The following LRMDA variants were observed in gnomAD, a reference collection of about 807,000 sequenced individuals.
LRMDA encodes the protein leucine rich melanocyte differentiation associated.
LRMDA carries 18 observed loss-of-function variants against 29.8 expected under a neutral mutation model. That is an observed-to-expected ratio of 0.60 (90% CI 0.42 to 0.90). LRMDA has a LOEUF of 0.90. LRMDA is among the 40% of genes least tolerant of loss of function. The pLI is 0.00. For synonymous variants in LRMDA, 125 were observed against 109.4 expected, an observed-to-expected ratio of 1.14 and a Z score of -0.89; for missense variants, 273 against 273.9, an observed-to-expected ratio of 1.00 and a Z score of 0.02.
At chr10:76,066,100 A>T (rs1848781034) in intron 5 of LRMDA, among the ~76,000 whole-genome samples, 1 of 151,928 alleles carries the variant, frequency 6.6e-6, no homozygotes, top group Admixed American at 6.6e-5. Context: ...CACACACCCT[A>T]CCTCTGCTGC....
intron 6 of LRMDA, among the ~76,000 whole-genome samples, chr10:76,337,598 G>A (rs1222748751): frequency 3.9e-5 from 6 of 152,176 alleles, no homozygotes; most frequent in Non-Finnish European, 7.3e-5. Context: ...TAGTAATCTA[G>A]GGGGAGAGTG....
At chr10:76,299,695 GC>G (rs1274939570) in intron 5 of LRMDA, among the ~76,000 whole-genome samples, 1 of 151,538 alleles carries the variant, frequency 6.6e-6, no homozygotes, top group Non-Finnish European at 1.5e-5. Flanking sequence ...CTGCCTGGGG[GC>G]CAAAACTTGC....
At chr10:76,015,016 T>C (rs549084243) in intron 2 of LRMDA, among the ~76,000 whole-genome samples, 4 of 152,246 alleles carry the variant, frequency 2.6e-5, no homozygotes, top group Non-Finnish European at 4.4e-5. Flanking sequence ...GCAACTGCCA[T>C]TCAAAATCTG....
chr10:76,476,260 T>G (rs969924404), intron 6 of LRMDA, among the ~76,000 whole-genome samples: 5 of 152,268 alleles, frequency 3.3e-5, no homozygotes, highest in Admixed American at 2.0e-4. Context: ...TATCAGAGAA[T>G]ACTATAAACA....
chr10:75,990,688 G>A (rs1444597176), intron 2 of LRMDA, among the ~76,000 whole-genome samples: 1 of 152,156 alleles, frequency 6.6e-6, no homozygotes, highest in Admixed American at 6.5e-5. Context: ...TAAAAAATAA[G>A]TACTTTGGGT....
At chr10:76,065,306 T>C (rs1318287238) in intron 5 of LRMDA, among the ~76,000 whole-genome samples, 1 of 152,210 alleles carries the variant, frequency 6.6e-6, no homozygotes, top group Non-Finnish European at 1.5e-5. Flanking sequence ...AATAGAGCAC[T>C]GCAGGAAAGC....
rs149295222 is a variant in LRMDA, at chr10:75,615,210, A to G, written c.131+176716A>G. On this transcript the variant is annotated intron_variant, in intron 2 of 6. Coordinates refer to ENST00000611255, the MANE Select transcript of LRMDA (RefSeq NM_001305581.2). ...ATTATGTGTGATATCTGACTGCTCA[A>G]GATACTAATGTCTTTAAAAATACCC... 5.1e-3 allele frequency among the ~76,000 whole-genome samples: 781 copies of G among 152,352 alleles called. 8 individuals carry two copies. Among genetic ancestry groups the G allele is most frequent in the African/African-American group, 0.018 (748 of 41,582 alleles).
chr10:75,723,548 C>T (rs1361289969), intron 2 of LRMDA, among the ~76,000 whole-genome samples: 1 of 152,166 alleles, frequency 6.6e-6, no homozygotes, highest in East Asian at 1.9e-4. Flanking sequence ...CACTGTCTTG[C>T]AGTTGTGTGT....
At chr10:75,999,890 G>A (rs1477283849) in intron 2 of LRMDA, among the ~76,000 whole-genome samples, 4 of 152,156 alleles carry the variant, frequency 2.6e-5, no homozygotes. Context: ...TTCTTTGTCT[G>A]ATTATACATG....
intron 5 of LRMDA, among the ~76,000 whole-genome samples, chr10:76,136,259 A>G (rs16932886): frequency 0.012 from 1,860 of 152,290 alleles, 37 homozygotes; most frequent in African/African-American, 0.043. Flanking sequence ...TATGAAGCTC[A>G]GAGTGTGGCC....
At chr10:76,148,846 C>A (rs1311863210) in intron 5 of LRMDA, among the ~76,000 whole-genome samples, 1 of 151,990 alleles carries the variant, frequency 6.6e-6, no homozygotes, top group African/African-American at 2.4e-5. Context: ...CCGTTATTAT[C>A]TTTACTGTTG....
rs1000350503 is a variant in LRMDA at position 76,400,104 on chromosome 10, A to G, written c.601+75619A>G. On this transcript the variant is annotated intron_variant, in intron 6 of 6. Transcript: ENST00000611255. ...AGGATTGTGACTTCTGCCTTAGTAG[A>G]AAACTTTTTTCCTGCTGATCTTGAT... is the stretch of plus-strand genomic sequence containing the variant. Among the ~76,000 whole-genome samples, 3 of 152,236 alleles carry G rather than the reference A, an allele frequency of 2.0e-5. No individual in the cohort carries two copies. The South Asian group carries it at 6.2e-4, about 32-fold the overall frequency.
chr10:75,724,149 A>G lies in LRMDA; in HGVS notation c.131+285655A>G, dbSNP rs138505249. ...ATGACAGGTAGACTCATGACATTATATGGTAATTCAGCATGAAAGAATAAT... is the reference window on the plus strand; with the variant it reads ...ATGACAGGTAGACTCATGACATTATGTGGTAATTCAGCATGAAAGAATAAT... On this transcript the variant is annotated intron_variant, in intron 2 of 6. Transcript: ENST00000611255. Among the ~76,000 whole-genome samples, 552 of 152,324 alleles carry G rather than the reference A, an allele frequency of 3.6e-3. 4 individuals carry two copies. Among genetic ancestry groups the G allele is most frequent in the African/African-American group, 0.012 (508 of 41,570 alleles).
chr10:76,014,444 G>C (rs997571404), intron 2 of LRMDA, among the ~76,000 whole-genome samples: 5 of 151,744 alleles, frequency 3.3e-5, no homozygotes, highest in Non-Finnish European at 5.9e-5. Flanking sequence ...TAAATGACTT[G>C]CTCTCACATC....
chr10:75,446,205 C>T (rs186095386), intron 2 of LRMDA, among the ~76,000 whole-genome samples: 2 of 152,356 alleles, frequency 1.3e-5, no homozygotes, highest in African/African-American at 4.8e-5. Context: ...AGAACCAAGG[C>T]TTTGGGGTTG....
At chr10:75,672,533 CCCCT>C (rs1841906521) in intron 2 of LRMDA, among the ~76,000 whole-genome samples, 1 of 4,738 alleles carries the variant, frequency 2.1e-4, no homozygotes, top group Non-Finnish European at 5.8e-4. Context: ...TTCCTCCCCT[CCCCT>C]CCCCTCCCCT....
intron 2 of LRMDA, among the ~76,000 whole-genome samples, chr10:75,909,583 G>T (rs1047070163): frequency 2.3e-4 from 35 of 152,118 alleles, no homozygotes; most frequent in Admixed American, 2.1e-3. Context: ...TCTCTAATAG[G>T]TGGAAGTTGA....
intron 3 of LRMDA, among the ~76,000 whole-genome samples, chr10:76,038,740 T>C (rs746226160): frequency 6.6e-6 from 1 of 152,232 alleles, no homozygotes; most frequent in Non-Finnish European, 1.5e-5. Flanking sequence ...CTAGGTTCCA[T>C]ATTGTTATTG....
intron 5 of LRMDA, among the ~76,000 whole-genome samples, chr10:76,186,482 A>T (rs924825356): frequency 6.6e-6 from 1 of 152,202 alleles, no homozygotes; most frequent in Non-Finnish European, 1.5e-5. Context: ...AGGCCTAAAA[A>T]ATGCCCTGGT....
Sources: allele counts gnomAD v4.1 joint callset (sites outside exome capture counted in the v4.1 genomes callset), GRCh38; gene constraint gnomAD v4.1.1; transcripts MANE v1.5; gene names NCBI Gene and HGNC (gene_info 2026-07-23, HGNC 2026-07-21).